The following GALNT18 variants were observed in gnomAD, a reference collection of about 807,000 sequenced individuals.
The protein encoded by GALNT18 is GalNAc-transferase 18.
GALNT18 carries 44 observed loss-of-function variants against 69.5 expected under a neutral mutation model. The observed-to-expected ratio is 0.63, with a 90% CI of 0.50 to 0.81. The LOEUF (loss-of-function observed/expected upper bound fraction) is 0.81. GALNT18 is among the 40% of genes least tolerant of loss of function. The pLI, the probability that GALNT18 is intolerant of heterozygous loss-of-function variation, is 0.00. For synonymous variants in GALNT18, 364 were observed against 318.2 expected, an observed-to-expected ratio of 1.14 and a Z score of -1.53; for missense variants, 715 against 810.0, an observed-to-expected ratio of 0.88 and a Z score of 1.42.
At chr11:11,531,738 A>G (rs1361358708) in intron 1 of GALNT18, among the ~76,000 whole-genome samples, 1 of 152,180 alleles carries the variant, frequency 6.6e-6, no homozygotes, top group Non-Finnish European at 1.5e-5. Context: ...AGCCAGCCCT[A>G]GGTGTAACAA....
At chr11:11,350,505 G>A (rs1391769755) in intron 6 of GALNT18, among the ~76,000 whole-genome samples, 1 of 152,222 alleles carries the variant, frequency 6.6e-6, no homozygotes, top group African/African-American at 2.4e-5. Context: ...TTGGAAAAAG[G>A]AAGACGTCAG....
intron 1 of GALNT18, among the ~76,000 whole-genome samples, chr11:11,483,433 A>G (rs943101769): frequency 1.3e-5 from 2 of 152,206 alleles, no homozygotes; most frequent in South Asian, 2.1e-4. Flanking sequence ...TATACAACCA[A>G]CTGCTGCCAC....
intron 1 of GALNT18, among the ~76,000 whole-genome samples, chr11:11,530,715 C>A (rs567768397): frequency 5.2e-4 from 79 of 152,342 alleles, no homozygotes; most frequent in Admixed American, 1.0e-3. Context: ...CTTCAGTGTT[C>A]ACGACCCAAA....
chr11:11,291,338 T>C (rs1273351226), intron 10 of GALNT18, among the ~76,000 whole-genome samples: 1 of 152,148 alleles, frequency 6.6e-6, no homozygotes, highest in Non-Finnish European at 1.5e-5. Flanking sequence ...AACTATTTCA[T>C]AAATAATGAC....
In GALNT18 at chr11:11,538,796, G is replaced by T. The variant is rs1198875627; in HGVS notation, c.235+82563C>A. On this transcript the variant is annotated intron_variant, in intron 1 of 10. Coordinates refer to ENST00000227756, the MANE Select transcript of GALNT18 (RefSeq NM_198516.3). This position sits in a 1 kb window ranked among gnomAD's most constrained non-coding sequence, Gnocchi z 5.2. The stretch of plus-strand genomic sequence containing the variant: ...AGGGCCTGCACATCGCAGGCCCGCT[G>T]ATCTCCTTACTCCTGCTGCTGCCTC... Among the ~76,000 whole-genome samples, 7 of 152,280 alleles carry T rather than the reference G, an allele frequency of 4.6e-5. No individual in the cohort carries two copies. The South Asian group carries it at 1.2e-3, about 27-fold the overall frequency.
intron 10 of GALNT18, among the ~76,000 whole-genome samples, chr11:11,288,540 G>A (rs1849237740): frequency 6.6e-6 from 1 of 152,154 alleles, no homozygotes; most frequent in African/African-American, 2.4e-5. Context: ...CTCCTTGAGG[G>A]CAGAAGCTGT....
intron 3 of GALNT18, among the ~76,000 whole-genome samples, chr11:11,428,528 G>A (rs1374057639): frequency 1.3e-5 from 2 of 152,212 alleles, no homozygotes. Context: ...CTGCCTCCCT[G>A]TTCCCTCACA....
At chr11:11,281,228 G>A (rs1301649484) in intron 10 of GALNT18, among the ~76,000 whole-genome samples, 1 of 152,100 alleles carries the variant, frequency 6.6e-6, no homozygotes, top group African/African-American at 2.4e-5. Flanking sequence ...AGGATGCTGA[G>A]GACACAGCTG....
Position 11,440,567 on chromosome 11 carries a change from C to T in GALNT18, c.429-7780G>A, listed in dbSNP as rs531547955. Among the ~76,000 whole-genome samples the T allele has an allele frequency of 1.2e-4, 18 of 152,336 alleles. No individual in the cohort carries two copies. In the East Asian group the frequency reaches 1.5e-3, roughly 13 times the overall value. The stretch of plus-strand genomic sequence containing the variant: ...GCCTGGCTCAGGGCTCGGCCTCTGA[C>T]GCCCAGAATTCTGGGGCTGGAGAGA... On this transcript the variant is annotated intron_variant, in intron 2 of 10. Coordinates refer to ENST00000227756, the MANE Select transcript of GALNT18 (RefSeq NM_198516.3).
chr11:11,304,978 C>T (rs572330427), intron 9 of GALNT18, among the ~76,000 whole-genome samples: 47 of 152,248 alleles, frequency 3.1e-4, no homozygotes, highest in African/African-American at 1.1e-3. Context: ...CTGAGATGTG[C>T]GGACATCAGC....
intron 1 of GALNT18, among the ~76,000 whole-genome samples, chr11:11,527,269 C>T (rs1857545007): frequency 1.3e-5 from 2 of 152,208 alleles, no homozygotes; most frequent in African/African-American, 4.8e-5. Context: ...AAATCTGGCA[C>T]AGAACCTATG....
At position 11,621,588 on chromosome 11, in the gene GALNT18, C is replaced by T; in HGVS notation, c.6G>A (p.Val2=). 1 of 1,593,166 alleles carries T rather than the reference C, an allele frequency of 6.3e-7. No individual in the cohort carries two copies. Among genetic ancestry groups the T allele is most frequent in the Non-Finnish European group, 8.6e-7 (1 of 1,168,940 alleles). M[V]CTRKTKTLVS... is the part of the protein sequence containing the mutation. ...CCAAAGTTTTGGTCTTCCTGGTGCACACCATTCTGGGCTCCTTCCTCCATA... is the reference window on the plus strand; with the variant it reads ...CCAAAGTTTTGGTCTTCCTGGTGCATACCATTCTGGGCTCCTTCCTCCATA... The change falls in exon 1 of 11, where the codon GTG becomes GTA. Residue 2 remains valine, a synonymous_variant. Coordinates refer to ENST00000227756, the MANE Select transcript of GALNT18 (RefSeq NM_198516.3). The surrounding 1 kb of genome is among the most constrained non-coding windows in gnomAD (Gnocchi z 9.3).
At chr11:11,303,324 G>GC (rs1849527954) in intron 9 of GALNT18, among the ~76,000 whole-genome samples, 1 of 152,134 alleles carries the variant, frequency 6.6e-6, no homozygotes, top group African/African-American at 2.4e-5. Context: ...GGCACCAGCA[G>GC]CCCCCCACTG....
chr11:11,541,956 G>A lies in GALNT18; in HGVS notation c.235+79403C>T, dbSNP rs1476121963. On this transcript the variant is annotated intron_variant, in intron 1 of 10. Transcript: ENST00000227756. This position sits in a 1 kb window ranked among gnomAD's most constrained non-coding sequence, Gnocchi z 4.8. ...TCACAGGCAAGGCAACTATAGACACGAGCCAAACCCAGGAGGAGCTTCACC... is the reference window on the plus strand; with the variant it reads ...TCACAGGCAAGGCAACTATAGACACAAGCCAAACCCAGGAGGAGCTTCACC... Among the ~76,000 whole-genome samples the A allele has an allele frequency of 1.3e-5, 2 of 152,096 alleles. No homozygotes were observed. Among genetic ancestry groups the A allele is most frequent in the African/African-American group, 2.4e-5 (1 of 41,476 alleles).
At chr11:11,419,596 C>CAAAAAAAAAAA (rs58012512) in intron 3 of GALNT18, among the ~76,000 whole-genome samples, 3 of 26,628 alleles carry the variant, frequency 1.1e-4, no homozygotes, top group African/African-American at 3.0e-4. Context: ...GATCCTGTCT[C>CAAAAAAAAAAA]AAAAAAAAAA....
rs1160920798 is a variant in GALNT18 at position 11,613,774 on chromosome 11, T to C, written c.235+7585A>G. The stretch of plus-strand genomic sequence containing the variant: ...AACAGCATGGTCCACCATTCATTGA[T>C]GGTGGCTTAGCCACCAGTGGACCTC... On this transcript the variant is annotated intron_variant, in intron 1 of 10. Coordinates refer to ENST00000227756, the MANE Select transcript of GALNT18 (RefSeq NM_198516.3). This position sits in a 1 kb window ranked among gnomAD's most constrained non-coding sequence, Gnocchi z 4.2. Among the ~76,000 whole-genome samples, 1 of 152,250 alleles carries C rather than the reference T, an allele frequency of 6.6e-6. No individual in the cohort carries two copies. Among genetic ancestry groups the C allele is most frequent in the Non-Finnish European group, 1.5e-5 (1 of 68,042 alleles).
rs1855393877 is a variant in GALNT18 at position 11,436,026 on chromosome 11, C to T, written c.429-3239G>A. 6.6e-6 allele frequency among the ~76,000 whole-genome samples: 1 copy of T among 152,254 alleles called. No homozygotes were observed. Among genetic ancestry groups the T allele is most frequent in the African/African-American group, 2.4e-5 (1 of 41,464 alleles). On this transcript the variant is annotated intron_variant, in intron 2 of 10. Transcript: ENST00000227756. This position sits in a 1 kb window ranked among gnomAD's most constrained non-coding sequence, Gnocchi z 4.5. The stretch of plus-strand genomic sequence containing the variant: ...GCCTCTCTCTCGGCATCAGGAGACA[C>T]CTTTCCTCAGCCTTCAGTTTCTCCA...
intron 3 of GALNT18, among the ~76,000 whole-genome samples, chr11:11,414,356 C>T (rs1329929950): frequency 1.3e-5 from 2 of 152,218 alleles, no homozygotes; most frequent in Non-Finnish European, 2.9e-5. Context: ...AGGCCACTGC[C>T]TAATTCTTCA....
rs116618751 is a variant in GALNT18, at chr11:11,497,825, T to C, written c.236-48889A>G. Among the ~76,000 whole-genome samples, 2,036 of 152,042 alleles carry C rather than the reference T, an allele frequency of 0.013. 41 individuals are homozygous for C. Among genetic ancestry groups the C allele is most frequent in the African/African-American group, 0.045 (1,879 of 41,508 alleles). Reference sequence around the variant, plus strand: ...CACTATTTCAACTTAAAATATTTCATGCTAATATTTTGGTGTAAGGCCAAG... The same window carrying C: ...CACTATTTCAACTTAAAATATTTCACGCTAATATTTTGGTGTAAGGCCAAG... On this transcript the variant is annotated intron_variant, in intron 1 of 10. Coordinates refer to ENST00000227756, the MANE Select transcript of GALNT18 (RefSeq NM_198516.3). This position sits in a 1 kb window ranked among gnomAD's most constrained non-coding sequence, Gnocchi z 4.2.
Sources: allele counts gnomAD v4.1 joint callset (sites outside exome capture counted in the v4.1 genomes callset), GRCh38; gene constraint gnomAD v4.1.1; non-coding constraint Gnocchi (gnomAD v3.1); transcripts MANE v1.5; gene names NCBI Gene and HGNC (gene_info 2026-07-23, HGNC 2026-07-21).